Variants in MARCHF1 observed in about 807,000 individuals in gnomAD.
The protein encoded by MARCHF1 is membrane associated ring-CH-type finger 1.
In MARCHF1, 40 loss-of-function variants were observed where a neutral mutation model predicts 54.2. That is an observed-to-expected ratio of 0.74 (90% CI 0.57 to 0.96). The LOEUF is 0.96. Among genes scored for constraint, MARCHF1 ranks in the 40% least tolerant of loss-of-function variants. The pLI is 0.00. For synonymous variants in MARCHF1, 236 were observed against 236.3 expected (o/e 1.00, Z 0.01); for missense variants, 586 against 656.5 (o/e 0.89, Z 1.17).
intron 4 of MARCHF1, among the ~76,000 whole-genome samples, chr4:163,708,630 C>A (rs888528591): frequency 6.6e-6 from 1 of 152,066 alleles, no homozygotes; most frequent in African/African-American, 2.4e-5. Context: ...CTTTTAAAAA[C>A]ATACCAGGTT....
At chr4:164,347,280 G>T (rs952812305) in intron 1 of MARCHF1, among the ~76,000 whole-genome samples, 2 of 152,106 alleles carry the variant, frequency 1.3e-5, no homozygotes, top group Admixed American at 1.3e-4. Flanking sequence ...CATTGTCAGA[G>T]GTGCCAGATT....
rs564927400 is a variant in MARCHF1, at chr4:163,857,913, A to C, written c.-38-3744T>G. Among the ~76,000 whole-genome samples, 101 of 152,314 alleles carry C rather than the reference A, an allele frequency of 6.6e-4. 1 individual carries two copies. Among genetic ancestry groups the C allele is most frequent in the African/African-American group, 2.3e-3 (97 of 41,582 alleles). On this transcript the variant is annotated intron_variant, in intron 3 of 9. Coordinates refer to ENST00000514618, the MANE Select transcript of MARCHF1 (RefSeq NM_001394959.1). ...AAGACAGTGTGATAGGAGCTATGAT[A>C]GCAGTATACTGAGCACTATGAAAAT...
rs1362351696 is a variant in MARCHF1 at position 163,749,716 on chromosome 4, AT to A, written c.112-48854del. Among the ~76,000 whole-genome samples, 6 of 152,110 alleles carry A rather than the reference AT, an allele frequency of 3.9e-5. No homozygotes were observed. In the East Asian group the frequency reaches 9.7e-4, roughly 25 times the overall value. The stretch of plus-strand genomic sequence containing the variant: ...GTGGTTAGACAGCTTCTAAGAGCCT[AT>A]TTTGTGGAATCAGCCAAGCAGAAGC... On this transcript the variant is annotated intron_variant, in intron 4 of 9. Coordinates refer to ENST00000514618, the MANE Select transcript of MARCHF1 (RefSeq NM_001394959.1).
intron 1 of MARCHF1, among the ~76,000 whole-genome samples, chr4:164,201,208 GGTTTT>G (rs5863670): frequency 0.54 from 81,008 of 150,502 alleles, 21,959 homozygotes; most frequent in East Asian, 0.72. Context: ...TGTTTTACAT[GGTTTT>G]GTTTTGTTTT....
intron 2 of MARCHF1, among the ~76,000 whole-genome samples, chr4:164,017,371 A>G (rs1035700574): frequency 2.8e-4 from 42 of 152,068 alleles, no homozygotes; most frequent in Non-Finnish European, 1.6e-4. Context: ...AAGCCTACAC[A>G]AAACAAAATT....
intron 8 of MARCHF1, among the ~76,000 whole-genome samples, chr4:163,562,302 A>G (rs1391482196): frequency 5.2e-5 from 2 of 38,364 alleles, no homozygotes; most frequent in Non-Finnish European, 5.3e-5. Flanking sequence ...TCTCAAAAAC[A>G]AAACAAAACA....
rs555296678 is a variant in MARCHF1 at position 164,169,854 on chromosome 4, A to G, written c.-322-58192T>C. ...GACTCACTCACTTTATACCTTATATATCATCTTCAGCCAGAAAACACAACC... is the reference window on the plus strand; with the variant it reads ...GACTCACTCACTTTATACCTTATATGTCATCTTCAGCCAGAAAACACAACC... On this transcript the variant is annotated intron_variant, in intron 1 of 9. Coordinates refer to ENST00000514618, the MANE Select transcript of MARCHF1 (RefSeq NM_001394959.1). Among the ~76,000 whole-genome samples the G allele has an allele frequency of 2.0e-5, 3 of 152,244 alleles. No individual in the cohort carries two copies. The South Asian group carries it at 6.2e-4, about 32-fold the overall frequency.
At chr4:164,274,659 C>CTTTTTTTTTTTTTT (rs70952617) in intron 1 of MARCHF1, among the ~76,000 whole-genome samples, 7 of 44,644 alleles carry the variant, frequency 1.6e-4, no homozygotes, top group African/African-American at 3.0e-4. Context: ...TCAGGGTACA[C>CTTTTTTTTTTTTTT]TTTTTTTTTT....
Position 164,095,125 on chromosome 4 carries a change from G to C in MARCHF1, c.-248+16463C>G, listed in dbSNP as rs186231969. On this transcript the variant is annotated intron_variant, in intron 2 of 9. Transcript: ENST00000514618. ...AATAATACCTACAGTTGTTAGACGG[G>C]AGAAAACAGAAGTATGAGAGGTCTC... 3.5e-4 allele frequency among the ~76,000 whole-genome samples: 53 copies of C among 152,154 alleles called. No homozygotes were observed. In the East Asian group the frequency reaches 5.6e-3, roughly 16 times the overall value.
intron 2 of MARCHF1, among the ~76,000 whole-genome samples, chr4:164,102,532 A>G (rs1226627922): frequency 4.6e-5 from 7 of 150,692 alleles, no homozygotes; most frequent in East Asian, 3.9e-4. Context: ...TAAGTGAAGG[A>G]GAAATAAAAT....
intron 1 of MARCHF1, among the ~76,000 whole-genome samples, chr4:164,139,626 C>T (rs749682732): frequency 6.6e-5 from 10 of 152,008 alleles, no homozygotes; most frequent in Non-Finnish European, 1.3e-4. Flanking sequence ...TGAGAGAAAC[C>T]CAGATATTAG....
intron 1 of MARCHF1, among the ~76,000 whole-genome samples, chr4:164,360,835 T>C (rs1339818960): frequency 6.6e-6 from 1 of 152,112 alleles, no homozygotes; most frequent in African/African-American, 2.4e-5. Flanking sequence ...GTAAAAGAAA[T>C]AATTAGTGGA....
intron 4 of MARCHF1, among the ~76,000 whole-genome samples, chr4:163,709,585 G>T (rs1449989954): frequency 6.6e-6 from 1 of 152,140 alleles, no homozygotes; most frequent in East Asian, 1.9e-4. Context: ...GTATGTGTAT[G>T]TAATCAAAAA....
chr4:164,126,881 C>A (rs987394398), intron 1 of MARCHF1, among the ~76,000 whole-genome samples: 2 of 152,080 alleles, frequency 1.3e-5, no homozygotes, highest in African/African-American at 4.8e-5. Context: ...TATGGTGAAA[C>A]CCCAGCTCTA....
chr4:163,933,051 T>C, intron 3 of MARCHF1: 5 of 1,478,422 alleles, frequency 3.4e-6, no homozygotes, highest in African/African-American at 1.4e-5. Context: ...TGTATTTTAC[T>C]ATGAGATTCT....
At chr4:164,336,769 G>T (rs1016351657) in intron 1 of MARCHF1, among the ~76,000 whole-genome samples, 7 of 152,132 alleles carry the variant, frequency 4.6e-5, no homozygotes, top group Non-Finnish European at 1.0e-4. Flanking sequence ...AACTGAAAAA[G>T]ATCTGTCTCA....
chr4:164,141,204 A>G lies in MARCHF1; in HGVS notation c.-322-29542T>C, dbSNP rs1014026078. On this transcript the variant is annotated intron_variant, in intron 1 of 9. Transcript: ENST00000514618. ...CTTATCCTTCCTTTGTGGCAAATGTATGCCACTACTGATACTTTCTAAGGA... is the reference window on the plus strand; with the variant it reads ...CTTATCCTTCCTTTGTGGCAAATGTGTGCCACTACTGATACTTTCTAAGGA... Among the ~76,000 whole-genome samples, 60 of 152,190 alleles carry G rather than the reference A, an allele frequency of 3.9e-4. 1 individual carries two copies. Among genetic ancestry groups the G allele is most frequent in the African/African-American group, 1.4e-3 (57 of 41,464 alleles).
chr4:164,007,238 C>T (rs1044642654), intron 2 of MARCHF1, among the ~76,000 whole-genome samples: 2 of 148,120 alleles, frequency 1.4e-5, no homozygotes, highest in African/African-American at 2.5e-5. Flanking sequence ...CCCAGCTACT[C>T]GGGAGGCTGA....
At chr4:163,589,426 C>T (rs1740514455) in intron 7 of MARCHF1, among the ~76,000 whole-genome samples, 2 of 152,220 alleles carry the variant, frequency 1.3e-5, no homozygotes, top group South Asian at 2.1e-4. Context: ...TCCCATTTCA[C>T]ATGATTTATT....
Sources: gnomAD v4.1 joint callset for allele counts (sites outside exome capture counted in the v4.1 genomes callset) on GRCh38, gnomAD v4.1.1 for gene constraint, MANE v1.5 for transcripts, NCBI Gene and HGNC (gene_info 2026-07-23, HGNC 2026-07-21) for gene names.